Variants in SUSD5 observed in about 807,000 individuals in gnomAD.
SUSD5 encodes sushi domain containing 5.
SUSD5 carries 33 observed loss-of-function variants against 29.5 expected under a neutral mutation model. The ratio of observed to expected loss-of-function variants is 1.12; its 90% confidence interval spans 0.85 to 1.49. SUSD5 has a LOEUF of 1.49. Ranked by LOEUF, SUSD5 falls within the 40% of genes most tolerant of loss-of-function variation. The pLI is 0.00. For missense variants in SUSD5, 776 were observed against 800.6 expected (o/e 0.97, Z 0.37); for synonymous variants, 308 against 325.3 (o/e 0.95, Z 0.57).
rs2031334139 is a variant in SUSD5, at chr3:33,167,721, G to GGA, written c.598+7163_598+7164dup. On this transcript the variant is annotated intron_variant, in intron 4 of 4. Coordinates refer to ENST00000309558, the MANE Select transcript of SUSD5 (RefSeq NM_015551.2). This position sits in a 1 kb window ranked among gnomAD's most constrained non-coding sequence, Gnocchi z 4.1. Reference sequence around the variant, plus strand: ...CCAAAGCTTATTTTTCTCCCCATGGGGAACAGTAACATTTGTTATTCACCA... The same window carrying GGA: ...CCAAAGCTTATTTTTCTCCCCATGGGGAGAACAGTAACATTTGTTATTCACCA... 1.3e-5 allele frequency among the ~76,000 whole-genome samples: 2 copies of GGA among 152,228 alleles called. No individual in the cohort carries two copies. The highest frequency in any genetic ancestry group is 4.1e-4 in the South Asian group (2 of 4,830).
intron 3 of SUSD5, among the ~76,000 whole-genome samples, chr3:33,184,065 G>A (rs1202505552): frequency 6.6e-6 from 1 of 150,392 alleles, no homozygotes; most frequent in African/African-American, 2.4e-5. Flanking sequence ...AGCCTACTGA[G>A]TAGCTGGGAC....
chr3:33,214,192 A>G (rs1426009467), intron 1 of SUSD5, 87 bp from the exon 2 acceptor site: 3 of 1,346,960 alleles, frequency 2.2e-6, no homozygotes, highest in Non-Finnish European at 2.0e-6. Context: ...GACGCCAGTT[A>G]GAACTGTAGT....
chr3:33,203,590 C>T (rs993858810), intron 3 of SUSD5, among the ~76,000 whole-genome samples: 1 of 152,196 alleles, frequency 6.6e-6, no homozygotes, highest in Non-Finnish European at 1.5e-5. Context: ...ACACACATGC[C>T]AACAGGTGTC....
At chr3:33,176,021 A>G (rs1330800227) in intron 3 of SUSD5, among the ~76,000 whole-genome samples, 1 of 152,180 alleles carries the variant, frequency 6.6e-6, no homozygotes, top group African/African-American at 2.4e-5. Context: ...CCTTCTCCCT[A>G]AAGATTGCAA....
At chr3:33,182,932 G>A (rs1181003771) in intron 3 of SUSD5, among the ~76,000 whole-genome samples, 1 of 151,050 alleles carries the variant, frequency 6.6e-6, no homozygotes, top group Non-Finnish European at 1.5e-5. Context: ...GACTACAGGT[G>A]CCTGCCACTA....
chr3:33,198,349 C>T (rs2032036181), intron 3 of SUSD5, among the ~76,000 whole-genome samples: 1 of 152,208 alleles, frequency 6.6e-6, no homozygotes, highest in African/African-American at 2.4e-5. Context: ...ATTCTGGGTA[C>T]AGAGCCCATG....
intron 3 of SUSD5, among the ~76,000 whole-genome samples, chr3:33,181,994 C>T (rs1481607087): frequency 1.3e-5 from 2 of 152,162 alleles, no homozygotes; most frequent in Non-Finnish European, 2.9e-5. Context: ...ATTTAACTTG[C>T]TCTTCTTTTT....
intron 1 of SUSD5, 68 bp downstream of exon 1, chr3:33,218,618 G>A: frequency 8.2e-7 from 1 of 1,220,436 alleles, no homozygotes; most frequent in Non-Finnish European, 1.0e-6. Flanking sequence ...AGCAGCCCCG[G>A]CGAGCTACGC....
intron 1 of SUSD5, among the ~76,000 whole-genome samples, chr3:33,214,826 G>A (rs539518358): frequency 1.3e-5 from 2 of 152,142 alleles, no homozygotes; most frequent in African/African-American, 2.4e-5. Flanking sequence ...GAGCACTGAG[G>A]TCCCCAGGAG....
At chr3:33,164,244 C>G (rs1041027097) in intron 4 of SUSD5, among the ~76,000 whole-genome samples, 1 of 151,988 alleles carries the variant, frequency 6.6e-6, no homozygotes, top group African/African-American at 2.4e-5. Flanking sequence ...AAAAATAAAC[C>G]TAATACAGTG....
In SUSD5 at chr3:33,150,855, C is replaced by T. The variant is rs994469524; in HGVS notation, c.*1887G>A. 1 of 152,188 alleles carries T rather than the reference C, an allele frequency of 6.6e-6. No homozygotes were observed. The highest frequency in any genetic ancestry group is 1.5e-5 in the Non-Finnish European group (1 of 68,030). 9.4% of individuals were successfully genotyped at this position (152,188 alleles called of 1,614,324 possible). On this transcript the variant is annotated 3_prime_UTR_variant, in exon 5 of 5. Coordinates refer to ENST00000309558, the MANE Select transcript of SUSD5 (RefSeq NM_015551.2). ...AAGATCAGGATTTCCCTCTACCACA[C>T]AAAAACACTTAGACTGCTATGGTGT...
Position 33,204,590 on chromosome 3 carries a change from G to T in SUSD5, c.409+3218C>A, listed in dbSNP as rs2125631245. On this transcript the variant is annotated intron_variant, in intron 3 of 4. Transcript: ENST00000309558. This position sits in a 1 kb window ranked among gnomAD's most constrained non-coding sequence, Gnocchi z 4.5. ...CCCACCTCGGCCTCCCAAAGTGCTG[G>T]GATTACAGGCTTGAGCCACCACACC... 2.6e-5 allele frequency among the ~76,000 whole-genome samples: 4 copies of T among 151,812 alleles called. No individual in the cohort carries two copies. The highest frequency in any genetic ancestry group is 9.7e-5 in the African/African-American group (4 of 41,366).
chr3:33,160,376 G>A (rs2031157855), intron 4 of SUSD5, among the ~76,000 whole-genome samples: 1 of 147,614 alleles, frequency 6.8e-6, no homozygotes, highest in South Asian at 2.2e-4. Context: ...CAGCAACAAA[G>A]TGAGACTTCA....
chr3:33,200,636 G>A (rs980694085), intron 3 of SUSD5, among the ~76,000 whole-genome samples: 5 of 152,166 alleles, frequency 3.3e-5, no homozygotes, highest in African/African-American at 7.2e-5. Context: ...AGAAGGAAAC[G>A]AGAGCTGTAG....
Position 33,214,853 on chromosome 3 carries a change from A to C in SUSD5, c.113-748T>G, listed in dbSNP as rs1443637321. Among the ~76,000 whole-genome samples, 4 of 152,232 alleles carry C rather than the reference A, an allele frequency of 2.6e-5. No homozygotes were observed. The East Asian group carries it at 7.7e-4, about 29-fold the overall frequency. On this transcript the variant is annotated intron_variant, in intron 1 of 4. Coordinates refer to ENST00000309558, the MANE Select transcript of SUSD5 (RefSeq NM_015551.2). ...CCCCAGGAGCCTCCTGGAGGAATGA[A>C]GCAATGCCTTGGGTGGCCCTATCAA...
At chr3:33,155,550 C>G (rs994021121) in intron 4 of SUSD5, among the ~76,000 whole-genome samples, 2 of 152,138 alleles carry the variant, frequency 1.3e-5, no homozygotes, top group African/African-American at 4.8e-5. Flanking sequence ...CAATTCCACT[C>G]CTAAATATAT....
At chr3:33,213,013 T>C (rs2032349881) in intron 2 of SUSD5, among the ~76,000 whole-genome samples, 1 of 152,214 alleles carries the variant, frequency 6.6e-6, no homozygotes, top group Non-Finnish European at 1.5e-5. Flanking sequence ...ATAGTCATTA[T>C]CTCTGAGGTG....
At chr3:33,177,498 A>G (rs1453324993) in intron 3 of SUSD5, among the ~76,000 whole-genome samples, 1 of 152,060 alleles carries the variant, frequency 6.6e-6, no homozygotes, top group Non-Finnish European at 1.5e-5. Flanking sequence ...AAATGGTAAC[A>G]TGGTGTTTTT....
At chr3:33,209,283 T>C (rs2032278481) in intron 2 of SUSD5, among the ~76,000 whole-genome samples, 1 of 152,202 alleles carries the variant, frequency 6.6e-6, no homozygotes, top group Non-Finnish European at 1.5e-5. Flanking sequence ...TGTATTTGTC[T>C]TACTTGAGCT....
Sources: allele counts gnomAD v4.1 joint callset (sites outside exome capture counted in the v4.1 genomes callset), GRCh38; gene constraint gnomAD v4.1.1; non-coding constraint Gnocchi (gnomAD v3.1); transcripts MANE v1.5; gene names NCBI Gene and HGNC (gene_info 2026-07-23, HGNC 2026-07-21).